The following RAB3C variants were observed in gnomAD, a reference collection of about 807,000 sequenced individuals.
RAB3C encodes the protein ras-related protein Rab-3C.
In RAB3C, 17 loss-of-function variants were observed where a neutral mutation model predicts 26.4. The observed-to-expected ratio is 0.64, with a 90% confidence interval of 0.44 to 0.97. RAB3C has a LOEUF of 0.97. Ranked by LOEUF, RAB3C falls within the 50% of genes least tolerant of loss-of-function variation. The pLI is 0.00. For missense variants in RAB3C, 242 were observed against 281.9 expected (o/e 0.86, Z 1.01); for synonymous variants, 91 against 95.9 (o/e 0.95, Z 0.30).
chr5:58,773,637 G>A (rs1021158566), intron 3 of RAB3C, among the ~76,000 whole-genome samples: 2 of 152,048 alleles, frequency 1.3e-5, no homozygotes, highest in African/African-American at 4.8e-5. Flanking sequence ...CTTGATTGAG[G>A]CTGGTACTGA....
At chr5:58,624,439 A>G (rs1434470720) in intron 2 of RAB3C, among the ~76,000 whole-genome samples, 2 of 152,198 alleles carry the variant, frequency 1.3e-5, no homozygotes, top group Non-Finnish European at 2.9e-5. Context: ...AGGTGGATTG[A>G]TACTGTTGGG....
chr5:58,675,806 GAT>G (rs1185985629), intron 2 of RAB3C, among the ~76,000 whole-genome samples: 1 of 152,038 alleles, frequency 6.6e-6, no homozygotes, highest in Non-Finnish European at 1.5e-5. Context: ...AGCTTGCTAT[GAT>G]TCTTCCCCAG....
At chr5:58,629,094 C>A (rs10050926) in intron 2 of RAB3C, among the ~76,000 whole-genome samples, 5,691 of 109,878 alleles carry the variant, frequency 0.052, 372 homozygotes, top group African/African-American at 0.17. Context: ...TTTTTAAAAA[C>A]ACTTGAAAAG....
At chr5:58,810,415 G>T (rs1743049437) in intron 3 of RAB3C, among the ~76,000 whole-genome samples, 1 of 149,466 alleles carries the variant, frequency 6.7e-6, no homozygotes, top group Non-Finnish European at 1.5e-5. Context: ...GTGTGTGTGT[G>T]TTTTCTTAGA....
intron 4 of RAB3C, among the ~76,000 whole-genome samples, chr5:58,847,363 G>GGT (rs1726962634): frequency 6.6e-6 from 1 of 152,160 alleles, no homozygotes; most frequent in Non-Finnish European, 1.5e-5. Context: ...CAGTAGATTG[G>GGT]AAGTGATCTT....
intron 1 of RAB3C, among the ~76,000 whole-genome samples, chr5:58,611,864 G>C (rs2111709251): frequency 1.3e-5 from 2 of 152,004 alleles, no homozygotes; most frequent in Middle Eastern, 6.8e-3. Flanking sequence ...TTATAGTTGT[G>C]TTTTATATTT....
Position 58,818,807 on chromosome 5 carries a change from G to T in RAB3C, c.372-6231G>T, listed in dbSNP as rs114220338. Among the ~76,000 whole-genome samples, 887 of 152,266 alleles carry T rather than the reference G, an allele frequency of 5.8e-3. 12 individuals carry two copies. The highest frequency in any genetic ancestry group is 0.018 in the African/African-American group (740 of 41,548). ...TCTCTCATGAGATGATTGGAAATGT[G>T]TCCCTCAAATAAGAAATTTCACAAA... On this transcript the variant is annotated intron_variant, in intron 3 of 4. Coordinates refer to ENST00000282878, the MANE Select transcript of RAB3C (RefSeq NM_138453.4).
intron 2 of RAB3C, among the ~76,000 whole-genome samples, chr5:58,715,892 C>G (rs1323214939): frequency 6.6e-6 from 1 of 151,884 alleles, no homozygotes; most frequent in Non-Finnish European, 1.5e-5. Context: ...GCGTCATGCC[C>G]TGGAAGAGTG....
At chr5:58,787,318 G>A (rs1192562699) in intron 3 of RAB3C, among the ~76,000 whole-genome samples, 1 of 152,106 alleles carries the variant, frequency 6.6e-6, no homozygotes, top group African/African-American at 2.4e-5. Context: ...TTCAGTTGTC[G>A]ATGACTACCT....
rs114434190 is a variant in RAB3C at position 58,811,558 on chromosome 5, A to G, written c.372-13480A>G. Among the ~76,000 whole-genome samples the G allele has an allele frequency of 3.3e-3, 502 of 152,294 alleles. 2 individuals carry two copies. The highest frequency in any genetic ancestry group is 0.011 in the African/African-American group (465 of 41,564). Reference sequence around the variant, plus strand: ...GAACCCAAGGCCTAGGAAAGGGACAACAGTCCTCGATGAAGTCCATTACTG... The same window carrying G: ...GAACCCAAGGCCTAGGAAAGGGACAGCAGTCCTCGATGAAGTCCATTACTG... On this transcript the variant is annotated intron_variant, in intron 3 of 4. Coordinates refer to ENST00000282878, the MANE Select transcript of RAB3C (RefSeq NM_138453.4).
chr5:58,811,846 CT>C (rs1220345876), intron 3 of RAB3C, among the ~76,000 whole-genome samples: 3 of 152,090 alleles, frequency 2.0e-5, no homozygotes, highest in African/African-American at 7.2e-5. Flanking sequence ...ATGGTGCCCC[CT>C]GACCAGCCTT....
rs370806220 is a variant in RAB3C at position 58,759,401 on chromosome 5, T to C, written c.371+33281T>C. Among the ~76,000 whole-genome samples the C allele has an allele frequency of 6.2e-4, 95 of 152,332 alleles. 2 individuals carry two copies. The South Asian group carries it at 0.018, about 29-fold the overall frequency. Reference sequence around the variant, plus strand: ...CAACGTCACAAGGAAGTTAGGCACATATACCTGGATCCCCTAGTTCACCAC... The same window carrying C: ...CAACGTCACAAGGAAGTTAGGCACACATACCTGGATCCCCTAGTTCACCAC... On this transcript the variant is annotated intron_variant, in intron 3 of 4. Transcript: ENST00000282878.
At chr5:58,789,621 G>A (rs1056789329) in intron 3 of RAB3C, among the ~76,000 whole-genome samples, 4 of 152,112 alleles carry the variant, frequency 2.6e-5, no homozygotes, top group African/African-American at 4.8e-5. Flanking sequence ...AATGAGTGGA[G>A]GAGACAGGAT....
At chr5:58,831,763 C>CA (rs527291654) in intron 4 of RAB3C, among the ~76,000 whole-genome samples, 1 of 151,670 alleles carries the variant, frequency 6.6e-6, no homozygotes, top group Non-Finnish European at 1.5e-5. Context: ...GCTTATTTCT[C>CA]AAAAAAATAA....
rs781452671 is a variant in RAB3C at position 58,851,150 on chromosome 5, T to C, written c.497-14T>C. ...GCAAAATAACCAAGATGTGTTTCTG[T>C]GTGTTTCTTCCAGGGTTTGAGTTTT... On this transcript the variant is annotated splice_polypyrimidine_tract_variant and intron_variant, in intron 4 of 4. Transcript: ENST00000282878. The C allele has an allele frequency of 6.9e-6, 11 of 1,583,698 alleles. No individual in the cohort carries two copies. In the South Asian group the frequency reaches 1.3e-4, roughly 18 times the overall value.
intron 3 of RAB3C, among the ~76,000 whole-genome samples, chr5:58,774,105 C>G (rs1742078810): frequency 6.6e-6 from 1 of 152,178 alleles, no homozygotes; most frequent in South Asian, 2.1e-4. Flanking sequence ...GGCATCAACT[C>G]TGTACCCCTA....
At chr5:58,669,180 A>G (rs1488429901) in intron 2 of RAB3C, among the ~76,000 whole-genome samples, 2 of 152,124 alleles carry the variant, frequency 1.3e-5, no homozygotes, top group African/African-American at 4.8e-5. Context: ...CAATTTCCCT[A>G]GTATTTTTTT....
At chr5:58,768,249 GTGACTCT>G (rs1358847102) in intron 3 of RAB3C, among the ~76,000 whole-genome samples, 7 of 152,130 alleles carry the variant, frequency 4.6e-5, no homozygotes, top group Non-Finnish European at 7.4e-5. Context: ...AACAAAAGAA[GTGACTCT>G]TGATCCCAGC....
upstream of RAB3C, among the ~76,000 whole-genome samples, chr5:58,582,646 C>T (rs1199504167): frequency 6.6e-6 from 1 of 152,250 alleles, no homozygotes; most frequent in Middle Eastern, 3.4e-3. Flanking sequence ...GAAACTTTCC[C>T]GATTCGGATG....
Sources: gnomAD v4.1 joint callset for allele counts (sites outside exome capture counted in the v4.1 genomes callset) on GRCh38, gnomAD v4.1.1 for gene constraint, MANE v1.5 for transcripts, NCBI Gene and HGNC (gene_info 2026-07-23, HGNC 2026-07-21) for gene names.